The following STPG2 variants were observed in gnomAD, a reference collection of about 807,000 sequenced individuals.
The protein encoded by STPG2 is sperm-tail PG-rich repeat-containing protein 2.
Under a neutral mutation model 54.2 loss-of-function variants are expected in STPG2, and 56 were observed. The observed-to-expected ratio is 1.03, with a 90% confidence interval of 0.83 to 1.29. The LOEUF is 1.29. STPG2 is among the 50% of genes most tolerant of loss of function. STPG2 has a pLI of 0.00. For missense variants in STPG2, 596 were observed against 544.9 expected, an observed-to-expected ratio of 1.09 and a Z score of -0.93; for synonymous variants, 200 against 181.8, an observed-to-expected ratio of 1.10 and a Z score of -0.81.
intron 10 of STPG2, among the ~76,000 whole-genome samples, chr4:97,689,523 TA>T (rs1723299019): frequency 1.3e-5 from 2 of 152,202 alleles, no homozygotes; most frequent in South Asian, 4.1e-4. Flanking sequence ...AACTTTCAAA[TA>T]GGGAAGTCGA....
chr4:97,906,243 C>T (rs369838160), intron 8 of STPG2, among the ~76,000 whole-genome samples: 16 of 152,134 alleles, frequency 1.1e-4, no homozygotes, highest in African/African-American at 1.7e-4. Context: ...AACACCTCTA[C>T]GCAAATAAAC....
intron 9 of STPG2, among the ~76,000 whole-genome samples, chr4:97,785,599 C>T (rs564260341): frequency 6.6e-6 from 1 of 151,832 alleles, no homozygotes; most frequent in Non-Finnish European, 1.5e-5. Flanking sequence ...GTGGTTATGA[C>T]AGAAAGATAA....
At chr4:98,016,067 G>A (rs942211926) in intron 5 of STPG2, among the ~76,000 whole-genome samples, 2 of 152,174 alleles carry the variant, frequency 1.3e-5, no homozygotes, top group Non-Finnish European at 2.9e-5. Flanking sequence ...GGGGGTGGAA[G>A]GCTAGGGGAG....
chr4:97,442,006 T>A (rs1729094932), intron 4 of STPG2, among the ~76,000 whole-genome samples: 1 of 152,056 alleles, frequency 6.6e-6, no homozygotes, highest in African/African-American at 2.4e-5. Flanking sequence ...AATAAACTTG[T>A]AACACATTAG....
chr4:97,962,066 T>C (rs536631290), intron 7 of STPG2, among the ~76,000 whole-genome samples: 73 of 152,270 alleles, frequency 4.8e-4, no homozygotes, highest in African/African-American at 1.6e-3. Flanking sequence ...AGAAACCTGG[T>C]TGAGACTGGA....
At chr4:97,477,358 G>A (rs145641475) in intron 4 of STPG2, among the ~76,000 whole-genome samples, 45 of 151,970 alleles carry the variant, frequency 3.0e-4, no homozygotes, top group African/African-American at 1.1e-3. Flanking sequence ...GATGCCATTA[G>A]TTCTAGGGAT....
At chr4:97,701,743 A>G (rs911262791) in intron 10 of STPG2, among the ~76,000 whole-genome samples, 6 of 152,220 alleles carry the variant, frequency 3.9e-5, no homozygotes, top group Non-Finnish European at 7.3e-5. Context: ...ACTTCTAGGA[A>G]AACCATGATT....
At chr4:97,784,701 A>G (rs1177978765) in intron 9 of STPG2, among the ~76,000 whole-genome samples, 1 of 51,428 alleles carries the variant, frequency 1.9e-5, no homozygotes. Flanking sequence ...ATATTACTAT[A>G]GTATTACAAA....
intron 5 of STPG2, among the ~76,000 whole-genome samples, chr4:98,105,362 GCTGCAAGGACC>G (rs1004123431): frequency 6.6e-5 from 10 of 152,140 alleles, no homozygotes; most frequent in African/African-American, 2.2e-4. Flanking sequence ...AAGCAAGGTA[GCTGCAAGGACC>G]CTGCAAGGAC....
intron 4 of STPG2, among the ~76,000 whole-genome samples, chr4:97,529,725 C>T (rs574698259): frequency 6.6e-6 from 1 of 152,094 alleles, no homozygotes; most frequent in South Asian, 2.1e-4. Context: ...TGTATGTATC[C>T]AAGAATTTAT....
chr4:97,755,971 A>G (rs149489632), intron 9 of STPG2, among the ~76,000 whole-genome samples: 14 of 152,348 alleles, frequency 9.2e-5, no homozygotes, highest in South Asian at 2.1e-4. Flanking sequence ...CATGACATAG[A>G]TAAGCCCTTC....
At chr4:97,661,031 A>G (rs956997163) in intron 10 of STPG2, among the ~76,000 whole-genome samples, 2 of 152,130 alleles carry the variant, frequency 1.3e-5, no homozygotes, top group Non-Finnish European at 2.9e-5. Flanking sequence ...TTATTCTCTA[A>G]AACCGATATA....
chr4:97,614,290 CTAAAGAGATTTTTTTTTTTT>C (rs975606412), intron 10 of STPG2, among the ~76,000 whole-genome samples: 2 of 117,868 alleles, frequency 1.7e-5, no homozygotes, highest in Non-Finnish European at 3.6e-5. Flanking sequence ...TATGTGCCCT[CTAAAGAGATTTTTTTTTTTT>C]TTAAGATTAG....
At chr4:97,483,958 C>A (rs886447496) in intron 4 of STPG2, among the ~76,000 whole-genome samples, 21 of 151,776 alleles carry the variant, frequency 1.4e-4, no homozygotes, top group Admixed American at 7.2e-4. Context: ...AATTAAATAA[C>A]CTGCTCCTGA....
At chr4:98,110,579 C>T (rs547251265) in intron 3 of STPG2, among the ~76,000 whole-genome samples, 1 of 152,186 alleles carries the variant, frequency 6.6e-6, no homozygotes, top group East Asian at 1.9e-4. Context: ...GGAAGCATGC[C>T]AACATACAAA....
intron 10 of STPG2, among the ~76,000 whole-genome samples, chr4:97,585,384 T>A (rs75987624): frequency 0.017 from 2,630 of 151,980 alleles, 68 homozygotes; most frequent in African/African-American, 0.059. Context: ...ACTTCCCTCA[T>A]CCAGTGAGAA....
At chr4:97,988,850 GC>G in intron 5 of STPG2, among the ~76,000 whole-genome samples, 1 of 152,284 alleles carries the variant, frequency 6.6e-6, no homozygotes, top group East Asian at 1.9e-4. Flanking sequence ...CCGAGCTCAA[GC>G]GATCTGCCCG....
intron 10 of STPG2, among the ~76,000 whole-genome samples, chr4:97,611,207 G>A (rs1733722391): frequency 6.6e-6 from 1 of 151,306 alleles, no homozygotes; most frequent in Non-Finnish European, 1.5e-5. Flanking sequence ...TACCTACTAG[G>A]TGCTGATAGG....
At chr4:97,980,488 A>C (rs1734636994) in intron 6 of STPG2, among the ~76,000 whole-genome samples, 1 of 152,196 alleles carries the variant, frequency 6.6e-6, no homozygotes, top group Non-Finnish European at 1.5e-5. Flanking sequence ...AAAATCTTGC[A>C]GCATCTGGTC....
Sources: gnomAD v4.1 joint callset for allele counts (sites outside exome capture counted in the v4.1 genomes callset) on GRCh38, gnomAD v4.1.1 for gene constraint, MANE v1.5 for transcripts, NCBI Gene and HGNC (gene_info 2026-07-23, HGNC 2026-07-21) for gene names.